The following DOCK9 variants were observed in gnomAD, a reference collection of about 807,000 sequenced individuals.
DOCK9 encodes the protein dedicator of cytokinesis protein 9.
A neutral mutation model predicts 263.3 loss-of-function variants in DOCK9; 89 were observed. The observed-to-expected ratio is 0.34, with a 90% CI of 0.28 to 0.40. The LOEUF (loss-of-function observed/expected upper bound fraction) is 0.40. DOCK9 is among the 10% of genes least tolerant of loss of function. The pLI is 1.00. For missense variants in DOCK9, 2,140 were observed against 2,603.4 expected, an observed-to-expected ratio of 0.82 and a Z score of 3.87; for synonymous variants, 976 against 973.1, an observed-to-expected ratio of 1.00 and a Z score of -0.06.
intron 1 of DOCK9, among the ~76,000 whole-genome samples, chr13:99,085,200 T>G (rs1388432401): frequency 6.6e-6 from 1 of 152,068 alleles, no homozygotes; most frequent in African/African-American, 2.4e-5. Flanking sequence ...GGCCCGGCAC[T>G]CTGCCCCGAC....
chr13:98,990,872 G>A (rs1345829075), intron 1 of DOCK9, among the ~76,000 whole-genome samples: 1 of 152,108 alleles, frequency 6.6e-6, no homozygotes, highest in Non-Finnish European at 1.5e-5. Flanking sequence ...AGAACCAAAA[G>A]GAATGCGGAA....
Position 98,825,978 on chromosome 13 carries a change from C to A in DOCK9, c.5023+852G>T. ...AAATGCATCACCTGATAAAAGGTCT[C>A]AACAGGAAATAGTACCGGTATTAAA... On this transcript the variant is annotated intron_variant, in intron 44 of 52. Transcript: ENST00000682017. The surrounding 1 kb of genome is among the most constrained non-coding windows in gnomAD (Gnocchi z 4.1). The A allele has an allele frequency of 1.4e-6, 2 of 1,455,320 alleles. No individual in the cohort carries two copies. The highest frequency in any genetic ancestry group is 9.1e-7 in the Non-Finnish European group (1 of 1,093,316). 90.2% of individuals were successfully genotyped at this position (1,455,320 alleles called of 1,614,324 possible).
chr13:98,820,702 T>A (rs1423465022), intron 45 of DOCK9: 2 of 423,006 alleles, frequency 4.7e-6, no homozygotes, highest in Admixed American at 5.6e-5. Flanking sequence ...TATTATTAGC[T>A]TTAAAGAAAA....
Position 98,805,126 on chromosome 13 carries a change from T to C in DOCK9, c.5598A>G (p.Gln1866=), listed in dbSNP as rs1176950100. 10 of 1,610,080 alleles carry C rather than the reference T, an allele frequency of 6.2e-6. No individual in the cohort carries two copies. The highest frequency in any genetic ancestry group is 8.5e-6 in the Non-Finnish European group (10 of 1,177,980). ...ATCTCTCAAACTCTGTTTTCCTTTC[T>C]TGCAACTCTTTTTCGTCAAAGAAGG... ...VIPFFDEKEL[Q]ERKTEFERSH... Residue 1866 remains glutamine (Q), a synonymous_variant, in exon 49 of 53, where the codon CAA becomes CAG. Coordinates refer to ENST00000682017, the MANE Select transcript of DOCK9 (RefSeq NM_001366683.2).
At chr13:98,868,670 G>A (rs927624729) in intron 27 of DOCK9, among the ~76,000 whole-genome samples, 2 of 152,154 alleles carry the variant, frequency 1.3e-5, no homozygotes, top group African/African-American at 4.8e-5. Context: ...TGGTAGGATT[G>A]CTGGAGCCCA....
At chr13:99,016,789 A>G (rs967840581) in intron 1 of DOCK9, among the ~76,000 whole-genome samples, 1 of 152,240 alleles carries the variant, frequency 6.6e-6, no homozygotes, top group African/African-American at 2.4e-5. Flanking sequence ...GAAAAAAGTG[A>G]TCAATCTTTT....
intron 1 of DOCK9, among the ~76,000 whole-genome samples, chr13:99,008,850 G>A (rs1028393547): frequency 2.6e-5 from 4 of 152,086 alleles, no homozygotes; most frequent in East Asian, 1.9e-4. Context: ...ATGACTTCAC[G>A]TAACCTTAAT....
At chr13:98,820,161 GT>G (rs2092176116) in intron 45 of DOCK9, among the ~76,000 whole-genome samples, 1 of 152,176 alleles carries the variant, frequency 6.6e-6, no homozygotes, top group African/African-American at 2.4e-5. Flanking sequence ...ACCTACACTT[GT>G]TTTATGTGTT....
intron 50 of DOCK9, among the ~76,000 whole-genome samples, chr13:98,798,783 G>C (rs906894512): frequency 9.9e-5 from 15 of 152,166 alleles, no homozygotes; most frequent in African/African-American, 3.6e-4. Flanking sequence ...TACTTTGGTA[G>C]GTATGAGTAT....
chr13:98,947,052 C>G (rs558462039), intron 2 of DOCK9, among the ~76,000 whole-genome samples: 2 of 152,190 alleles, frequency 1.3e-5, no homozygotes, highest in Non-Finnish European at 2.9e-5. Flanking sequence ...TTAAACACTT[C>G]TCTCAGGGCT....
intron 6 of DOCK9, 26 bp from the exon 7 acceptor site, chr13:98,921,114 A>T (rs1343586701): frequency 6.3e-7 from 1 of 1,578,002 alleles, no homozygotes; most frequent in Admixed American, 1.8e-5. Context: ...ACACACAGCT[A>T]TTCTTTCAAA....
intron 1 of DOCK9, among the ~76,000 whole-genome samples, chr13:99,019,832 G>A (rs534543730): frequency 6.6e-6 from 1 of 152,126 alleles, no homozygotes; most frequent in Non-Finnish European, 1.5e-5. Context: ...CAAGCACAGT[G>A]GCTCACACCT....
At chr13:99,081,455 C>G (rs2042117606) in intron 1 of DOCK9, among the ~76,000 whole-genome samples, 1 of 152,166 alleles carries the variant, frequency 6.6e-6, no homozygotes, top group Non-Finnish European at 1.5e-5. Context: ...GCATCACTGG[C>G]AAGTGCTTGA....
chr13:98,995,335 C>CA (rs1460968569), intron 1 of DOCK9, among the ~76,000 whole-genome samples: 1 of 152,152 alleles, frequency 6.6e-6, no homozygotes, highest in Non-Finnish European at 1.5e-5. Context: ...AGGCTTTCTA[C>CA]AAGCATACTC....
chr13:98,907,313 G>A (rs749481315), intron 9 of DOCK9, among the ~76,000 whole-genome samples: 2 of 152,208 alleles, frequency 1.3e-5, no homozygotes, highest in Admixed American at 6.5e-5. Flanking sequence ...ACTGTGTTAT[G>A]TTCTCAGACG....
chr13:98,818,374 A>C (rs2092041284), intron 45 of DOCK9, among the ~76,000 whole-genome samples: 1 of 152,198 alleles, frequency 6.6e-6, no homozygotes, highest in Non-Finnish European at 1.5e-5. Flanking sequence ...TATGAATAAC[A>C]TTTTCAGCAG....
chr13:98,826,694 G>C, intron 44 of DOCK9, 136 bp downstream of exon 44: 1 of 673,780 alleles, frequency 1.5e-6, no homozygotes, highest in South Asian at 2.1e-5. Context: ...CATCACGCCA[G>C]GGGATAAAAC....
intron 2 of DOCK9, among the ~76,000 whole-genome samples, chr13:98,946,939 C>T (rs2056792851): frequency 1.3e-5 from 2 of 152,306 alleles, no homozygotes; most frequent in Non-Finnish European, 2.9e-5. Flanking sequence ...GCTTCCCCTG[C>T]TTTTTCCTAA....
At chr13:99,007,661 T>C (rs925745506) in intron 1 of DOCK9, among the ~76,000 whole-genome samples, 1 of 152,218 alleles carries the variant, frequency 6.6e-6, no homozygotes, top group Non-Finnish European at 1.5e-5. Context: ...TCTCCTGGGA[T>C]GTTTAAGAAT....
Sources: allele counts gnomAD v4.1 joint callset (sites outside exome capture counted in the v4.1 genomes callset), GRCh38; gene constraint gnomAD v4.1.1; non-coding constraint Gnocchi (gnomAD v3.1); transcripts MANE v1.5; gene names NCBI Gene and HGNC (gene_info 2026-07-23, HGNC 2026-07-21).